The following ANTKMT variants were observed in gnomAD, a reference collection of about 807,000 sequenced individuals.
The protein encoded by ANTKMT is adenine nucleotide translocase lysine methyltransferase, also known as adenine nucleotide translocase lysine N-methyltransferase.
Under a neutral mutation model 20.7 loss-of-function variants are expected in ANTKMT, and 24 were observed. The observed-to-expected ratio is 1.16, with a 90% CI of 0.84 to 1.63. ANTKMT has a LOEUF of 1.63. Ranked by LOEUF, ANTKMT falls within the 40% of genes most tolerant of loss-of-function variation. ANTKMT has a pLI of 0.00. For missense variants in ANTKMT, 428 were observed against 334.8 expected (o/e 1.28, Z -2.17); for synonymous variants, 193 against 161.2 (o/e 1.20, Z -1.49).
At position 722,401 on chromosome 16, in the gene ANTKMT, G is replaced by T. The variant is rs377194631; in HGVS notation, c.552G>T (p.Val184=). The T allele has an allele frequency of 4.4e-6, 7 of 1,602,520 alleles. No individual in the cohort carries two copies. The highest frequency in any genetic ancestry group is 1.3e-5 in the African/African-American group (1 of 74,836). ...TCCCACTCCCCACCTGGCAGCCTGT[G>T]ACCGCGGTTGGCGAGGGCCTGGACC... The part of the protein sequence containing the change: ...GRFPLPTWQP[V]TAVGEGLDRV... Residue 184 remains valine (V), a synonymous_variant, in exon 5 of 5, where the codon GTG becomes GTT. Transcript: ENST00000569529.
In ANTKMT at chr16:722,038, T is replaced by G. The variant is rs761838900; in HGVS notation, c.409-46T>G. 9.5e-6 allele frequency: 15 copies of G among 1,571,638 alleles called. No individual in the cohort carries two copies. In the African/African-American group the frequency reaches 1.2e-4, roughly 13 times the overall value. ...GGACTCGGAAGCTGCGATGACCCGGTGCCCACCAGGCCTCTCCCCGGCCGG... is the reference window on the plus strand; with the variant it reads ...GGACTCGGAAGCTGCGATGACCCGGGGCCCACCAGGCCTCTCCCCGGCCGG... On this transcript the variant is annotated intron_variant, in intron 3 of 4. Coordinates refer to ENST00000569529, the MANE Select transcript of ANTKMT (RefSeq NM_023933.3).
At position 722,377 on chromosome 16, in the gene ANTKMT, C is replaced by T; in HGVS notation, c.528C>T (p.Phe176=). The change falls in exon 5 of 5, where the codon TTC becomes TTT. Residue 176 remains phenylalanine, a synonymous_variant. Transcript: ENST00000569529. ...GGGCCCGCGTGGTGTCTGGGCGCTT[C>T]CCACTCCCCACCTGGCAGCCTGTGA... ...PAGARVVSGR[F]PLPTWQPVTA... 6.2e-7 allele frequency: 1 copy of T among 1,603,032 alleles called. No homozygotes were observed. The highest frequency in any genetic ancestry group is 8.5e-7 in the Non-Finnish European group (1 of 1,175,308).
chr16:721,147 C>G lies in ANTKMT; in HGVS notation c.-128C>G. 1.0e-6 allele frequency: 1 copy of G among 988,270 alleles called. No individual in the cohort carries two copies. The allele number at this position is 988,270 out of a possible 1,614,324, so 61.2% of individuals were successfully genotyped here. A position where few individuals can be genotyped will look rare whatever the true frequency, so the allele number is the denominator to read the frequency against. On this transcript the variant is annotated 5_prime_UTR_variant, in exon 1 of 5. Transcript: ENST00000569529. ...CCGACCGCGCAGGCTCTGCCGGCCA[C>G]TTCCGGTGTCGCGCGGCGGCTCCCG...
At position 721,172 on chromosome 16, in the gene ANTKMT, G is replaced by A. The variant is rs917899696; in HGVS notation, c.-103G>A. 9 of 1,140,216 alleles carry A rather than the reference G, an allele frequency of 7.9e-6. No individual in the cohort carries two copies. The African/African-American group carries it at 1.3e-4, about 16-fold the overall frequency. The allele number at this position is 1,140,216 out of a possible 1,614,324, so 70.6% of individuals were successfully genotyped here. On this transcript the variant is annotated 5_prime_UTR_variant, in exon 1 of 5. Transcript: ENST00000569529. The stretch of plus-strand genomic sequence containing the variant: ...CTTCCGGTGTCGCGCGGCGGCTCCC[G>A]GCAGGAGGCAGAGGGCACACCGCCA...
At position 722,111 on chromosome 16, in the gene ANTKMT, T is replaced by C. The variant is rs1283621990; in HGVS notation, c.436T>C (p.Ser146Pro). The C allele has an allele frequency of 6.8e-6, 11 of 1,609,064 alleles. No homozygotes were observed. Among genetic ancestry groups the C allele is most frequent in the African/African-American group, 1.3e-5 (1 of 74,812 alleles). Residue 146 changes from serine (S) to proline (P), a missense_variant, in exon 4 of 5, where the codon TCT (serine) becomes CCT (proline). Physicochemically the swap from Ser to Pro is moderately conservative, Grantham distance 74. Transcript: ENST00000569529. ...GAGCCTGAGGGACTGCCGCAACGTG[T>C]CTGTGTTCCTGGCCCCTAGCGTGGT... Reference protein sequence around the residue: ...KVSLRDCRNVSVFLAPSVLPL... With the variant: ...KVSLRDCRNVPVFLAPSVLPL...
At chr16:721,559 C>T (rs978538175) in intron 1 of ANTKMT, 39 bp from the exon 2 acceptor site, 45 of 1,512,888 alleles carry the variant, frequency 3.0e-5, no homozygotes, top group Non-Finnish European at 3.8e-5. Context: ...GCGGGCGGGG[C>T]GGGAGCGGCC....
rs1328062479 is a variant in ANTKMT, at chr16:722,555, T to A, written c.706T>A (p.Ter236ArgextTer?). The A allele has an allele frequency of 6.3e-7, 1 of 1,598,616 alleles. No homozygotes were observed. Among genetic ancestry groups the A allele is most frequent in the East Asian group, 2.2e-5 (1 of 44,524 alleles). The change falls in exon 5 of 5, where the codon TGA becomes AGA. Residue 236 changes from the stop codon to arginine, a stop_lost. Coordinates refer to ENST00000569529, the MANE Select transcript of ANTKMT (RefSeq NM_023933.3). ...GGGGGGCCTTATTTCTCAGGCCAGC[T>A]GAGTATTAGACACGATAAAGACTCT... ...IPGGLISQAS[*>R]
In ANTKMT at chr16:721,652, C is replaced by G. The variant is rs1251724792; in HGVS notation, c.217C>G (p.Arg73Gly). ...GGTGGAGCACGTGTTGTCGCTGCTG[C>G]GAGGACGCCCCGGAAAAACGGTGGA... ...RQVEHVLSLLRGRPGKTVDLG... is the reference protein window; with the variant it reads ...RQVEHVLSLLGGRPGKTVDLG... The change falls in exon 2 of 5, where the codon CGA (arginine) becomes GGA (glycine). Residue 73 changes from arginine to glycine, a missense_variant. Arg to Gly is a moderately radical substitution (Grantham distance 125, BLOSUM62 -2). Coordinates refer to ENST00000569529, the MANE Select transcript of ANTKMT (RefSeq NM_023933.3). The G allele has an allele frequency of 6.5e-7, 1 of 1,550,384 alleles. No homozygotes were observed. Among genetic ancestry groups the G allele is most frequent in the Non-Finnish European group, 8.7e-7 (1 of 1,148,000 alleles).
At position 721,933 on chromosome 16, in the gene ANTKMT, C is replaced by A. The variant is rs1385273764; in HGVS notation, c.400C>A (p.Leu134Ile). ...AGSVCYRRKD[L>I]WKVSLRDCRN... ...CAGCGTCTGCTATCGCCGCAAGGATCTCTGGAAGGTAACCTGGGGATCCCT... is the reference window on the plus strand; with the variant it reads ...CAGCGTCTGCTATCGCCGCAAGGATATCTGGAAGGTAACCTGGGGATCCCT... Residue 134 changes from leucine to isoleucine, a missense_variant, in exon 3 of 5, where the codon CTC (leucine) becomes ATC (isoleucine). By Grantham distance (5) the Leu-to-Ile change is conservative. Coordinates refer to ENST00000569529, the MANE Select transcript of ANTKMT (RefSeq NM_023933.3). 6.4e-7 allele frequency: 1 copy of A among 1,572,352 alleles called. No individual in the cohort carries two copies. Among genetic ancestry groups the A allele is most frequent in the South Asian group, 1.1e-5 (1 of 87,178 alleles).
Position 721,280 on chromosome 16 carries a change from G to A in ANTKMT, c.6G>A (p.Glu2=), listed in dbSNP as rs993943921. Residue 2 remains glutamate, a synonymous_variant, in exon 1 of 5, where the codon GAG becomes GAA. Coordinates refer to ENST00000569529, the MANE Select transcript of ANTKMT (RefSeq NM_023933.3). Reference sequence around the variant, plus strand: ...GAGCCGCGCGTCCCGCAGCCATGGAGCAGGACGACCCGGTCGAGGCGCTGA... The same window carrying A: ...GAGCCGCGCGTCCCGCAGCCATGGAACAGGACGACCCGGTCGAGGCGCTGA... M[E]QDDPVEALTE... The A allele has an allele frequency of 1.3e-5, 17 of 1,320,280 alleles. No homozygotes were observed. The highest frequency in any genetic ancestry group is 1.6e-5 in the Non-Finnish European group (17 of 1,036,706). 81.8% of individuals were successfully genotyped at this position (1,320,280 alleles called of 1,614,324 possible).
rs1031128381 is a variant in ANTKMT, at chr16:721,605, A to G, written c.170A>G (p.Tyr57Cys). The change falls in exon 2 of 5, where the codon TAC (tyrosine) becomes TGC (cysteine). Residue 57 changes from tyrosine to cysteine, a missense_variant. By Grantham distance (194) the Tyr-to-Cys change is radical. Transcript: ENST00000569529. Reference sequence around the variant, plus strand: ...CGCCGCCACCCGGTCCAGGTGCCCTACGTCGGCGCGAGCGCGCGGCAGGTG... The same window carrying G: ...CGCCGCCACCCGGTCCAGGTGCCCTGCGTCGGCGCGAGCGCGCGGCAGGTG... ...RRVPLRLQVP[Y>C]VGASARQVEH... is the part of the protein sequence containing the mutation. 1.3e-6 allele frequency: 2 copies of G among 1,543,058 alleles called. No individual in the cohort carries two copies. Among genetic ancestry groups the G allele is most frequent in the South Asian group, 1.2e-5 (1 of 83,558 alleles).
At position 722,387 on chromosome 16, in the gene ANTKMT, A is replaced by G. The variant is rs756059989; in HGVS notation, c.538A>G (p.Thr180Ala). 8.1e-6 allele frequency: 13 copies of G among 1,601,470 alleles called. No homozygotes were observed. The South Asian group carries it at 1.5e-4, about 18-fold the overall frequency. ...RVVSGRFPLP[T>A]WQPVTAVGEG... ...GGTGTCTGGGCGCTTCCCACTCCCC[A>G]CCTGGCAGCCTGTGACCGCGGTTGG... The change falls in exon 5 of 5, where the codon ACC becomes GCC. Residue 180 changes from threonine to alanine, a missense_variant. Physicochemically the swap from Thr to Ala is moderately conservative, Grantham distance 58 (BLOSUM62 0). Coordinates refer to ENST00000569529, the MANE Select transcript of ANTKMT (RefSeq NM_023933.3).
In ANTKMT at chr16:722,082, A is replaced by T; in HGVS notation, c.409-2A>T. 1 of 1,605,362 alleles carries T rather than the reference A, an allele frequency of 6.2e-7. No homozygotes were observed. The highest frequency in any genetic ancestry group is 8.5e-7 in the Non-Finnish European group (1 of 1,177,818). The stretch of plus-strand genomic sequence containing the variant: ...CGGCCGGGGCGACTTCTCTTCCGGC[A>T]GGTGAGCCTGAGGGACTGCCGCAAC... On this transcript the variant is annotated splice_acceptor_variant, in intron 3 of 4. Coordinates refer to ENST00000569529, the MANE Select transcript of ANTKMT (RefSeq NM_023933.3). LOFTEE classifies it high-confidence loss of function.
chr16:722,566 C>T lies in ANTKMT; in HGVS notation c.*9C>T, dbSNP rs1205143913. On this transcript the variant is annotated 3_prime_UTR_variant, in exon 5 of 5. Coordinates refer to ENST00000569529, the MANE Select transcript of ANTKMT (RefSeq NM_023933.3). ...TTTCTCAGGCCAGCTGAGTATTAGA[C>T]ACGATAAAGACTCTGTGGGTTCTAT... The T allele has an allele frequency of 2.5e-6, 4 of 1,598,610 alleles. No homozygotes were observed. The East Asian group carries it at 6.7e-5, about 27-fold the overall frequency.
rs2040218574 is a variant in ANTKMT at position 721,266 on chromosome 16, C to T, written c.-9C>T. The T allele has an allele frequency of 3.1e-6, 4 of 1,273,794 alleles. No homozygotes were observed. Among genetic ancestry groups the T allele is most frequent in the Non-Finnish European group, 4.0e-6 (4 of 1,009,728 alleles). The allele number at this position is 1,273,794 out of a possible 1,614,324, so 78.9% of individuals were successfully genotyped here. Reference sequence around the variant, plus strand: ...GACCTTGGGCGGACGAGCCGCGCGTCCCGCAGCCATGGAGCAGGACGACCC... The same window carrying T: ...GACCTTGGGCGGACGAGCCGCGCGTTCCGCAGCCATGGAGCAGGACGACCC... On this transcript the variant is annotated 5_prime_UTR_variant, in exon 1 of 5. Transcript: ENST00000569529.
intron 4 of ANTKMT, 33 bp downstream of exon 4, chr16:722,167 C>A (rs1288884507): frequency 6.3e-7 from 1 of 1,598,788 alleles, no homozygotes; most frequent in South Asian, 1.1e-5. Context: ...CGCTGGGAAG[C>A]CCCAGCCACA....
rs558811609 is a variant in ANTKMT, at chr16:722,564, G to A, written c.*7G>A. 2.2e-6 allele frequency: 3 copies of A among 1,357,522 alleles called. No homozygotes were observed. The highest frequency in any genetic ancestry group is 4.5e-5 in the East Asian group (1 of 22,124). The allele number at this position is 1,357,522 out of a possible 1,614,324, so 84.1% of individuals were successfully genotyped here. On this transcript the variant is annotated 3_prime_UTR_variant, in exon 5 of 5. Coordinates refer to ENST00000569529, the MANE Select transcript of ANTKMT (RefSeq NM_023933.3). ...TATTTCTCAGGCCAGCTGAGTATTA[G>A]ACACGATAAAGACTCTGTGGGTTCT...
Position 721,345 on chromosome 16 carries a change from T to C in ANTKMT, c.71T>C (p.Leu24Pro). ...RERRLGALEL[L>P]QAAAGSGLAA... ...CGGCGGCTGGGCGCGCTGGAGCTGC[T>C]GCAGGCGGCGGCCGGCTCGGGCTTG... Residue 24 changes from leucine (L) to proline (P), a missense_variant, in exon 1 of 5, where the codon CTG becomes CCG. Leu to Pro is a moderately conservative substitution (Grantham distance 98). Transcript: ENST00000569529. 2 of 1,343,832 alleles carry C rather than the reference T, an allele frequency of 1.5e-6. No individual in the cohort carries two copies. The highest frequency in any genetic ancestry group is 3.6e-5 in the South Asian group (2 of 56,122). The allele number at this position is 1,343,832 out of a possible 1,614,324, so 83.2% of individuals were successfully genotyped here. A position where few individuals can be genotyped will look rare whatever the true frequency, so the allele number is the denominator to read the frequency against.
rs979488558 is a variant in ANTKMT at position 721,351 on chromosome 16, C to T, written c.77C>T (p.Ala26Val). The change falls in exon 1 of 5, where the codon GCG (alanine) becomes GTG (valine). Residue 26 changes from alanine to valine, a missense_variant. By Grantham distance (64) the Ala-to-Val change is moderately conservative. Coordinates refer to ENST00000569529, the MANE Select transcript of ANTKMT (RefSeq NM_023933.3). The stretch of plus-strand genomic sequence containing the variant: ...CTGGGCGCGCTGGAGCTGCTGCAGG[C>T]GGCGGCCGGCTCGGGCTTGGCAGCC... Reference protein sequence around the residue: ...RRLGALELLQAAAGSGLAAYA... With the variant: ...RRLGALELLQVAAGSGLAAYA... 5 of 1,338,476 alleles carry T rather than the reference C, an allele frequency of 3.7e-6. No homozygotes were observed. The Admixed American group carries it at 1.7e-4, about 47-fold the overall frequency. 82.9% of individuals were successfully genotyped at this position (1,338,476 alleles called of 1,614,324 possible). A position where few individuals can be genotyped will look rare whatever the true frequency, so the allele number is the denominator to read the frequency against.
Sources: allele counts gnomAD v4.1 joint callset, GRCh38; gene constraint gnomAD v4.1.1; transcripts MANE v1.5; gene names NCBI Gene and HGNC (gene_info 2026-07-23, HGNC 2026-07-21).